The following MAP3K7CL variants were observed in gnomAD, a reference collection of about 807,000 sequenced individuals.
MAP3K7CL encodes the protein MAP3K7 C-terminal-like protein.
In MAP3K7CL, 16 loss-of-function variants were observed where a neutral mutation model predicts 18.6. That is an observed-to-expected ratio of 0.86 (90% CI 0.58 to 1.31). MAP3K7CL has a LOEUF of 1.31. Ranked by LOEUF, MAP3K7CL falls within the 50% of genes most tolerant of loss-of-function variation. The pLI is 0.00. For missense variants in MAP3K7CL, 163 were observed against 174.4 expected (o/e 0.93, Z 0.37); for synonymous variants, 65 against 66.8 (o/e 0.97, Z 0.13).
At chr21:29,113,732 C>T (rs2086458627) in intron 4 of MAP3K7CL, among the ~76,000 whole-genome samples, 1 of 152,120 alleles carries the variant, frequency 6.6e-6, no homozygotes, top group South Asian at 2.1e-4. Flanking sequence ...CCATGTTGGT[C>T]AGAGTGGTCT....
upstream of MAP3K7CL, among the ~76,000 whole-genome samples, chr21:29,081,415 T>C (rs1180228672): frequency 2.6e-5 from 4 of 152,174 alleles, no homozygotes; most frequent in South Asian, 4.1e-4. Flanking sequence ...TAGCTGGGCA[T>C]GGTGGCAGGC....
intron 2 of MAP3K7CL, among the ~76,000 whole-genome samples, chr21:29,141,518 GAAAA>G (rs57784163): frequency 9.8e-6 from 1 of 102,540 alleles, no homozygotes; most frequent in Non-Finnish European, 2.2e-5. Flanking sequence ...ATCTCAAAAA[GAAAA>G]AAAAAAAAAA....
chr21:29,142,111 C>A (rs2146660681), intron 2 of MAP3K7CL, among the ~76,000 whole-genome samples: 1 of 152,122 alleles, frequency 6.6e-6, no homozygotes, highest in East Asian at 1.9e-4. Context: ...GCCACTCAGA[C>A]TGGAGTGCAG....
chr21:29,114,494 G>T (rs538823118), intron 4 of MAP3K7CL, among the ~76,000 whole-genome samples: 1 of 152,138 alleles, frequency 6.6e-6, no homozygotes, highest in Non-Finnish European at 1.5e-5. Context: ...GAGCTCAATT[G>T]ATCCTCCCAC....
intron 3 of MAP3K7CL, among the ~76,000 whole-genome samples, chr21:29,152,418 G>C (rs1464602984): frequency 6.6e-6 from 1 of 152,142 alleles, no homozygotes; most frequent in African/African-American, 2.4e-5. Flanking sequence ...AGTCAGTCTC[G>C]TGTGCTTTCA....
chr21:29,091,655 T>G (rs1435025958), intron 2 of MAP3K7CL: 1 of 701,422 alleles, frequency 1.4e-6, no homozygotes, highest in East Asian at 2.7e-5. Context: ...TTTTCTTTCT[T>G]TTTTTTTCAT....
Position 29,130,764 on chromosome 21 carries a change from T to C in MAP3K7CL, c.-199T>C, listed in dbSNP as rs2086764557. 4.1e-6 allele frequency: 4 copies of C among 985,444 alleles called. No homozygotes were observed. The highest frequency in any genetic ancestry group is 6.1e-5 in the Admixed American group (1 of 16,274). 61.0% of individuals were successfully genotyped at this position (985,444 alleles called of 1,614,324 possible). On this transcript the variant is annotated 5_prime_UTR_variant, in exon 1 of 5. Transcript: ENST00000399928. ...GTCTGGGGCAGAGCAGGTAGCAGCG[T>C]GCTGCCCTGACAGCTGTCTCCGCTC...
At chr21:29,129,320 A>T (rs1424601586), upstream of MAP3K7CL, among the ~76,000 whole-genome samples, 1 of 152,112 alleles carries the variant, frequency 6.6e-6, no homozygotes, top group East Asian at 1.9e-4. Context: ...AAAATCCCTC[A>T]TGCACCACCT....
rs936367302 is a variant in MAP3K7CL, at chr21:29,133,564, T to C, written c.70+150T>C. 3 of 523,214 alleles carry C rather than the reference T, an allele frequency of 5.7e-6. No homozygotes were observed. In the East Asian group the frequency reaches 1.0e-4, roughly 18 times the overall value. The allele number at this position is 523,214 out of a possible 1,614,324, so 32.4% of individuals were successfully genotyped here. A position where few individuals can be genotyped will look rare whatever the true frequency, so the allele number is the denominator to read the frequency against. ...TGATATTTCATCATGCATTGTTAGA[T>C]GGCGGCTTCCAGAAATGCCTCTAGT... is the stretch of plus-strand genomic sequence containing the variant. On this transcript the variant is annotated intron_variant, in intron 2 of 4. Transcript: ENST00000399928.
chr21:29,166,969 G>A (rs2087704055), intron 4 of MAP3K7CL, among the ~76,000 whole-genome samples: 1 of 152,172 alleles, frequency 6.6e-6, no homozygotes, highest in African/African-American at 2.4e-5. Context: ...GTAACCTTTT[G>A]AGGAACTGCC....
chr21:29,087,636 C>T (rs1414848235), intron 1 of MAP3K7CL, among the ~76,000 whole-genome samples: 1 of 143,052 alleles, frequency 7.0e-6, no homozygotes, highest in Non-Finnish European at 1.5e-5. Flanking sequence ...TTCTGTCTCC[C>T]AGGCTGAAGT....
upstream of MAP3K7CL, among the ~76,000 whole-genome samples, chr21:29,125,810 C>T (rs991850471): frequency 3.9e-5 from 6 of 152,100 alleles, no homozygotes; most frequent in East Asian, 1.9e-4. Flanking sequence ...GGGTCAGGAG[C>T]GGAGGAAGAG....
At chr21:29,084,282 TTACTATATATAGATTC>T (rs1335212103), upstream of MAP3K7CL, among the ~76,000 whole-genome samples, 1 of 152,092 alleles carries the variant, frequency 6.6e-6, no homozygotes, top group Non-Finnish European at 1.5e-5. Context: ...CCTTCTTACA[TTACTATATATAGATTC>T]TATTAAAAAC....
At chr21:29,128,821 G>A (rs994281156), upstream of MAP3K7CL, among the ~76,000 whole-genome samples, 1 of 152,076 alleles carries the variant, frequency 6.6e-6, no homozygotes, top group African/African-American at 2.4e-5. Context: ...ATTAAAATGA[G>A]GTCGTGAATA....
At chr21:29,165,539 A>T (rs2087664789) in intron 4 of MAP3K7CL, among the ~76,000 whole-genome samples, 1 of 152,002 alleles carries the variant, frequency 6.6e-6, no homozygotes, top group South Asian at 2.1e-4. Context: ...ATGTCTTTGC[A>T]TCCTCATGTT....
At chr21:29,140,710 AAAG>A (rs1324009244) in intron 2 of MAP3K7CL, among the ~76,000 whole-genome samples, 1 of 152,198 alleles carries the variant, frequency 6.6e-6, no homozygotes, top group Admixed American at 6.5e-5. Context: ...GGAAAGAAGA[AAAG>A]AAGGGGTAAA....
intron 3 of MAP3K7CL, among the ~76,000 whole-genome samples, chr21:29,154,377 C>T (rs542062786): frequency 7.8e-5 from 11 of 140,622 alleles, no homozygotes; most frequent in African/African-American, 1.6e-4. Flanking sequence ...CAAGGTGCTT[C>T]GAGAACAATA....
At chr21:29,143,926 CA>C (rs1461871617) in intron 2 of MAP3K7CL, among the ~76,000 whole-genome samples, 1 of 152,108 alleles carries the variant, frequency 6.6e-6, no homozygotes, top group Non-Finnish European at 1.5e-5. Context: ...AAGGGTACGA[CA>C]GTGAGGTGTT....
chr21:29,122,339 C>G (rs1156421636), intron 4 of MAP3K7CL: 1 of 152,262 alleles, frequency 6.6e-6, no homozygotes, highest in Admixed American at 6.5e-5. Flanking sequence ...ATGTATTACA[C>G]TGCAGTTTTT....
Sources: gnomAD v4.1 joint callset for allele counts (sites outside exome capture counted in the v4.1 genomes callset) on GRCh38, gnomAD v4.1.1 for gene constraint, MANE v1.5 for transcripts, NCBI Gene and HGNC (gene_info 2026-07-23, HGNC 2026-07-21) for gene names.